The following SVIL variants were observed in gnomAD, a reference collection of about 807,000 sequenced individuals.
The protein encoded by SVIL is archvillin.
A neutral mutation model predicts 240.4 loss-of-function variants in SVIL; 101 were observed. The ratio of observed to expected loss-of-function variants is 0.42; its 90% CI spans 0.36 to 0.50. The LOEUF (loss-of-function observed/expected upper bound fraction) is 0.50. Ranked by LOEUF, SVIL falls within the 20% of genes least tolerant of loss-of-function variation. SVIL has a pLI of 0.01. For synonymous variants in SVIL, 999 were observed against 1,100.0 expected (o/e 0.91, Z 1.82); for missense variants, 2,512 against 2,818.7 (o/e 0.89, Z 2.46).
At chr10:29,478,987 G>A (rs1946531776) in intron 29 of SVIL, among the ~76,000 whole-genome samples, 1 of 151,630 alleles carries the variant, frequency 6.6e-6, no homozygotes, top group South Asian at 2.1e-4. Flanking sequence ...CTCCCATTGG[G>A]GGTCCTTGTC....
chr10:29,674,143 C>CAACATA (rs2133064732), intron 2 of SVIL, among the ~76,000 whole-genome samples: 1 of 151,814 alleles, frequency 6.6e-6, no homozygotes, highest in Admixed American at 6.6e-5. Context: ...CCAGTCTAGG[C>CAACATA]AACATAGCAA....
Position 29,524,030 on chromosome 10 carries a change from G to T in SVIL, c.2587-3C>A. The T allele has an allele frequency of 6.3e-7, 1 of 1,585,274 alleles. No homozygotes were observed. Among genetic ancestry groups the T allele is most frequent in the South Asian group, 1.2e-5 (1 of 86,284 alleles). On this transcript the variant is annotated splice_region_variant and splice_polypyrimidine_tract_variant and intron_variant, in intron 14 of 37. Transcript: ENST00000355867. ...GGAATGAGCTTTCCACTCTGCACCT[G>T]GAAGGACACAGTTAAAAATTAAAAA...
chr10:29,570,277 AC>A (rs1370630473), intron 1 of SVIL, among the ~76,000 whole-genome samples: 1 of 152,264 alleles, frequency 6.6e-6, no homozygotes, highest in Non-Finnish European at 1.5e-5. Flanking sequence ...TATGTAATTA[AC>A]CAAAGAGAAA....
intron 6 of SVIL, among the ~76,000 whole-genome samples, chr10:29,544,218 A>G (rs1952426360): frequency 6.6e-6 from 1 of 152,218 alleles, no homozygotes; most frequent in African/African-American, 2.4e-5. Context: ...GCTTCTAATT[A>G]TAAAACGTTA....
At chr10:29,680,180 AT>A (rs1960527337) in intron 2 of SVIL, among the ~76,000 whole-genome samples, 1 of 152,046 alleles carries the variant, frequency 6.6e-6, no homozygotes, top group South Asian at 2.1e-4. Flanking sequence ...ATAAGATCCT[AT>A]CTCAGTAATA....
chr10:29,639,540 C>T (rs956468640), upstream of SVIL, among the ~76,000 whole-genome samples: 1 of 148,194 alleles, frequency 6.7e-6, no homozygotes, highest in African/African-American at 2.5e-5. Context: ...ACGATCTCGG[C>T]TCACTGCAAC....
At position 29,490,972 on chromosome 10, in the gene SVIL, C is replaced by G; in HGVS notation, c.4067G>C (p.Arg1356Pro). The G allele has an allele frequency of 6.2e-7, 1 of 1,613,986 alleles. No individual in the cohort carries two copies. The change falls in exon 22 of 38, where the codon CGC becomes CCC. Residue 1356 changes from arginine to proline, a missense_variant. This residue lies in a region of SVIL where 272 missense variants were observed against 406.8 expected (regional missense o/e 0.67). Coordinates refer to ENST00000355867, the MANE Select transcript of SVIL (RefSeq NM_021738.3). ...AEHKRAVRPK[R>P]RVQASKNPLK... ...GGGGTTTTTGGAGGCCTGAACCCGGCGCTTGGGCCTAACTGCCCGCTTGTG... is the reference window on the plus strand; with the variant it reads ...GGGGTTTTTGGAGGCCTGAACCCGGGGCTTGGGCCTAACTGCCCGCTTGTG...
rs768480975 is a variant in SVIL at position 29,470,256 on chromosome 10, G to A, written c.5843+20C>T. ...GGAAGCCCGGTGTGTGGGGGGACTCGCCGCAGACACAACACTCACTGTTCC... is the reference window on the plus strand; with the variant it reads ...GGAAGCCCGGTGTGTGGGGGGACTCACCGCAGACACAACACTCACTGTTCC... On this transcript the variant is annotated intron_variant, in intron 32 of 37. Transcript: ENST00000355867. The A allele has an allele frequency of 5.0e-6, 8 of 1,613,434 alleles. No homozygotes were observed. The Admixed American group carries it at 5.0e-5, about 10-fold the overall frequency.
At chr10:29,542,381 G>T (rs1345830539) in intron 6 of SVIL, among the ~76,000 whole-genome samples, 1 of 152,162 alleles carries the variant, frequency 6.6e-6, no homozygotes, top group Non-Finnish European at 1.5e-5. Flanking sequence ...TGCTATCGCT[G>T]CAATCATCCT....
chr10:29,602,246 G>A, intron 1 of SVIL: 1 of 531,494 alleles, frequency 1.9e-6, no homozygotes, highest in Non-Finnish European at 3.9e-6. Context: ...AGTGCCCCCT[G>A]GTACTTTAAG....
chr10:29,570,765 T>A (rs1161319724), intron 1 of SVIL, among the ~76,000 whole-genome samples: 1 of 152,228 alleles, frequency 6.6e-6, no homozygotes, highest in East Asian at 1.9e-4. Flanking sequence ...AACTTTAACT[T>A]ATTAAGGGAA....
chr10:29,665,399 G>C (rs1042713304), intron 2 of SVIL, among the ~76,000 whole-genome samples: 9 of 152,034 alleles, frequency 5.9e-5, no homozygotes, highest in African/African-American at 2.2e-4. Context: ...AATATTTTCT[G>C]TTGCTCTCTA....
At position 29,527,541 on chromosome 10, in the gene SVIL, C is replaced by A. The variant is rs544566976; in HGVS notation, c.2247-485G>T. 7.9e-5 allele frequency among the ~76,000 whole-genome samples: 12 copies of A among 152,154 alleles called. No homozygotes were observed. The South Asian group carries it at 2.5e-3, about 32-fold the overall frequency. On this transcript the variant is annotated intron_variant, in intron 12 of 37. Coordinates refer to ENST00000355867, the MANE Select transcript of SVIL (RefSeq NM_021738.3). ...TCCCGGGGTCAAGTGATTCTCCTGC[C>A]TCAGCCTCCTGAGTAGCTGGGATTA...
intron 29 of SVIL, among the ~76,000 whole-genome samples, chr10:29,474,654 T>C (rs975440922): frequency 2.8e-4 from 42 of 151,866 alleles, no homozygotes; most frequent in Non-Finnish European, 3.2e-4. Flanking sequence ...AAGTATTTGG[T>C]GACCGCCAGA....
chr10:29,458,448 C>G lies in SVIL; in HGVS notation c.6544G>C (p.Asp2182His). ...DPLKLEIYLT[D>H]EDFEFALDMT... ...GAACCGCTTACCTCGAAGTCTTCGT[C>G]GGTGAGATAGATCTCAAGCTTCAGA... is the stretch of plus-strand genomic sequence containing the variant. The change falls in exon 37 of 38, where the codon GAC becomes CAC. Residue 2182 changes from aspartate to histidine, a missense_variant. Coordinates refer to ENST00000355867, the MANE Select transcript of SVIL (RefSeq NM_021738.3). 1.3e-6 allele frequency: 2 copies of G among 1,582,560 alleles called. No individual in the cohort carries two copies. The highest frequency in any genetic ancestry group is 1.7e-6 in the Non-Finnish European group (2 of 1,162,758).
At chr10:29,480,046 G>A (rs536876811) in intron 29 of SVIL, among the ~76,000 whole-genome samples, 2 of 152,170 alleles carry the variant, frequency 1.3e-5, no homozygotes, top group East Asian at 1.9e-4. Context: ...AGCACCACCC[G>A]TGCTCTCAGT....
At chr10:29,590,635 A>T (rs1442432138) in intron 1 of SVIL, among the ~76,000 whole-genome samples, 1 of 152,168 alleles carries the variant, frequency 6.6e-6, no homozygotes, top group Non-Finnish European at 1.5e-5. Flanking sequence ...CAACCTATTT[A>T]TATGTTTTAT....
chr10:29,635,784 T>A (rs1958289387), upstream of SVIL, among the ~76,000 whole-genome samples: 1 of 151,816 alleles, frequency 6.6e-6, no homozygotes, highest in Admixed American at 6.6e-5. Flanking sequence ...GAACAGAGAG[T>A]CTTAATTGTC....
In SVIL at chr10:29,458,519, G is replaced by A. The variant is rs776348204; in HGVS notation, c.6473C>T (p.Pro2158Leu). ...VLAKLCKTIY[P>L]LADLLARPLP... ...TGGCCTGGCCAGGAGGTCGGCCAGC[G>A]GGTAAATGGTTTTACAGAGCTTGGC... Residue 2158 changes from proline (P) to leucine (L), a missense_variant, in exon 37 of 38, where the codon CCG becomes CTG. Physicochemically the swap from Pro to Leu is moderately conservative, Grantham distance 98. Coordinates refer to ENST00000355867, the MANE Select transcript of SVIL (RefSeq NM_021738.3). 13 of 1,602,788 alleles carry A rather than the reference G, an allele frequency of 8.1e-6. No individual in the cohort carries two copies. The East Asian group carries it at 1.1e-4, about 14-fold the overall frequency.
Sources: gnomAD v4.1 joint callset for allele counts (sites outside exome capture counted in the v4.1 genomes callset) on GRCh38, gnomAD v4.1.1 for gene constraint, gnomAD v4.1.1 regional missense constraint, MANE v1.5 for transcripts, NCBI Gene and HGNC (gene_info 2026-07-23, HGNC 2026-07-21) for gene names.